Variants in GLTP observed in about 807,000 individuals in gnomAD.
The protein encoded by GLTP is glycolipid transfer protein.
Under a neutral mutation model 24.0 loss-of-function variants are expected in GLTP, and 22 were observed. The observed-to-expected ratio is 0.92, with a 90% CI of 0.65 to 1.31. The LOEUF is 1.31. Among genes scored for constraint, GLTP ranks in the 50% most tolerant of loss-of-function variants. The pLI is 0.00. For synonymous variants in GLTP, 92 were observed against 115.9 expected, an observed-to-expected ratio of 0.79 and a Z score of 1.33; for missense variants, 224 against 276.6, an observed-to-expected ratio of 0.81 and a Z score of 1.35.
intron 1 of GLTP, among the ~76,000 whole-genome samples, chr12:109,864,448 T>G (rs567944389): frequency 1.3e-5 from 2 of 152,278 alleles, no homozygotes; most frequent in African/African-American, 4.8e-5. Context: ...ACTTAACCAC[T>G]CCAGGTTCAG....
chr12:109,852,409 C>T lies in GLTP; in HGVS notation c.*146G>A, dbSNP rs190929313. The T allele has an allele frequency of 4.1e-5, 20 of 492,846 alleles. No individual in the cohort carries two copies. Among genetic ancestry groups the T allele is most frequent in the Non-Finnish European group, 6.3e-5 (17 of 271,626 alleles). The allele number at this position is 492,846 out of a possible 1,614,324, so 30.5% of individuals were successfully genotyped here. ...AAAAAAAAGACTTAAAAAACGAGGG[C>T]TGTCCCCTGCAGACTCTGGCAGGAC... On this transcript the variant is annotated 3_prime_UTR_variant, in exon 5 of 5. Coordinates refer to ENST00000318348, the MANE Select transcript of GLTP (RefSeq NM_016433.4).
chr12:109,870,530 TATTATAA>T (rs1394066441), intron 1 of GLTP, among the ~76,000 whole-genome samples: 2 of 152,136 alleles, frequency 1.3e-5, no homozygotes, highest in Non-Finnish European at 1.5e-5. Flanking sequence ...TTATGCTTAT[TATTATAA>T]ATTATATCAT....
Position 109,880,435 on chromosome 12 carries a change from C to T in GLTP, c.-61G>A, listed in dbSNP as rs552094505. On this transcript the variant is annotated 5_prime_UTR_variant, in exon 1 of 5. Coordinates refer to ENST00000318348, the MANE Select transcript of GLTP (RefSeq NM_016433.4). This position sits in a 1 kb window ranked among gnomAD's most constrained non-coding sequence, Gnocchi z 5.1. ...CGCCGCGGGCGTCGACACCGCCCCCCCGGCCGCCGCCGTCAGCGCCGGGGC... is the reference window on the plus strand; with the variant it reads ...CGCCGCGGGCGTCGACACCGCCCCCTCGGCCGCCGCCGTCAGCGCCGGGGC... 2 of 703,052 alleles carry T rather than the reference C, an allele frequency of 2.8e-6. No homozygotes were observed. The highest frequency in any genetic ancestry group is 4.0e-6 in the Non-Finnish European group (2 of 505,012). 43.6% of individuals were successfully genotyped at this position (703,052 alleles called of 1,614,324 possible).
In GLTP at chr12:109,852,400, AAACGAGGGCTGTCCCCTGC is replaced by A. The variant is rs981801902; in HGVS notation, c.*136_*154del. On this transcript the variant is annotated 3_prime_UTR_variant, in exon 5 of 5. Transcript: ENST00000318348. ...AAAAAAAAAAAAAAAAAGACTTAAA[AAACGAGGGCTGTCCCCTGC>A]AGACTCTGGCAGGACCCTGGGCTGC... is the stretch of plus-strand genomic sequence containing the variant. 4.7e-5 allele frequency: 24 copies of A among 507,614 alleles called. No individual in the cohort carries two copies. The highest frequency in any genetic ancestry group is 4.9e-5 in the Non-Finnish European group (14 of 285,598). The allele number at this position is 507,614 out of a possible 1,614,324, so 31.4% of individuals were successfully genotyped here.
Position 109,852,296 on chromosome 12 carries a change from A to C in GLTP, c.*259T>G, listed in dbSNP as rs542923381. 1.5e-4 allele frequency: 55 copies of C among 370,906 alleles called. 1 individual carries two copies. The South Asian group carries it at 3.0e-3, about 20-fold the overall frequency. The allele number at this position is 370,906 out of a possible 1,614,324, so 23.0% of individuals were successfully genotyped here. ...TTTACCACGCTGAAATGAAGGTATA[A>C]AGTCAGTCTGTGCTGTCGTGAAATT... On this transcript the variant is annotated 3_prime_UTR_variant, in exon 5 of 5. Transcript: ENST00000318348.
chr12:109,869,628 T>G (rs1341201791), intron 1 of GLTP, among the ~76,000 whole-genome samples: 3 of 150,108 alleles, frequency 2.0e-5, no homozygotes, highest in South Asian at 2.1e-4. Flanking sequence ...GCTAATTTTT[T>G]TTTTTTTGTT....
At chr12:109,867,783 T>C (rs1448396286) in intron 1 of GLTP, among the ~76,000 whole-genome samples, 5 of 150,802 alleles carry the variant, frequency 3.3e-5, no homozygotes, top group Non-Finnish European at 5.9e-5. Context: ...TTTCTCTTTT[T>C]TTTTTTTTTT....
intron 1 of GLTP, among the ~76,000 whole-genome samples, chr12:109,869,869 G>A (rs1041703964): frequency 1.3e-5 from 2 of 151,652 alleles, no homozygotes; most frequent in East Asian, 1.9e-4. Context: ...TCCCAGGTTC[G>A]CACCATTCTC....
chr12:109,877,721 C>G (rs894629303), intron 1 of GLTP, among the ~76,000 whole-genome samples: 4 of 152,164 alleles, frequency 2.6e-5, no homozygotes, highest in Non-Finnish European at 5.9e-5. Flanking sequence ...AAGAGACACA[C>G]ACACCACCCA....
At chr12:109,860,460 A>G (rs1030273665) in intron 1 of GLTP, 1 of 178,858 alleles carries the variant, frequency 5.6e-6, no homozygotes, top group Non-Finnish European at 1.2e-5. Context: ...TGGCAACTGA[A>G]GAAAGATAAA....
Position 109,852,484 on chromosome 12 carries a change from TCA to T in GLTP, c.*69_*70del. On this transcript the variant is annotated 3_prime_UTR_variant, in exon 5 of 5. Transcript: ENST00000318348. Reference sequence around the variant, plus strand: ...GCCAGGGGCAGTTCACCGACTTGATTCACAGTGATTCTGGTTTGCCTGTTTCT... The same window carrying T: ...GCCAGGGGCAGTTCACCGACTTGATTCAGTGATTCTGGTTTGCCTGTTTCT... 1.0e-6 allele frequency: 1 copy of T among 1,000,034 alleles called. No homozygotes were observed. Among genetic ancestry groups the T allele is most frequent in the Non-Finnish European group, 1.6e-6 (1 of 638,736 alleles). 61.9% of individuals were successfully genotyped at this position (1,000,034 alleles called of 1,614,324 possible).
At chr12:109,859,709 T>G (rs924277688) in intron 1 of GLTP, 1 of 153,408 alleles carries the variant, frequency 6.5e-6, no homozygotes, top group South Asian at 2.1e-4. Flanking sequence ...TTTTTTTAAT[T>G]GTATAAAACA....
intron 3 of GLTP, among the ~76,000 whole-genome samples, chr12:109,856,127 G>C (rs545192354): frequency 2.6e-5 from 4 of 152,240 alleles, no homozygotes; most frequent in Non-Finnish European, 4.4e-5. Context: ...TGAAGCCACA[G>C]TGCTGGCCCT....
Position 109,880,260 on chromosome 12 carries a change from AT to A in GLTP, c.103+11del. 2 of 1,546,866 alleles carry A rather than the reference AT, an allele frequency of 1.3e-6. No individual in the cohort carries two copies. Among genetic ancestry groups the A allele is most frequent in the Non-Finnish European group, 1.8e-6 (2 of 1,127,584 alleles). On this transcript the variant is annotated intron_variant, in intron 1 of 4. Coordinates refer to ENST00000318348, the MANE Select transcript of GLTP (RefSeq NM_016433.4). This position sits in a 1 kb window ranked among gnomAD's most constrained non-coding sequence, Gnocchi z 5.1. ...GGGCTGCGGGCCGCCTCCCCCCTCC[AT>A]TCCGGCTCACCGAAGAAGGGCGGCA...
rs1452236329 is a variant in GLTP, at chr12:109,855,690, C to G, written c.376G>C (p.Val126Leu). ...RDENHPNLIR[V>L]NATKAYEMAL... The stretch of plus-strand genomic sequence containing the variant: ...ATCTCGTAGGCCTTGGTGGCGTTGA[C>G]ACGGATGAGGTTGGGGTGGTTCTCG... Residue 126 changes from valine (V) to leucine (L), a missense_variant, in exon 4 of 5, where the codon GTC becomes CTC. Coordinates refer to ENST00000318348, the MANE Select transcript of GLTP (RefSeq NM_016433.4). The surrounding 1 kb of genome is among the most constrained non-coding windows in gnomAD (Gnocchi z 4.1). The G allele has an allele frequency of 6.2e-7, 1 of 1,608,342 alleles. No individual in the cohort carries two copies. Among genetic ancestry groups the G allele is most frequent in the Non-Finnish European group, 8.5e-7 (1 of 1,177,604 alleles).
intron 2 of GLTP, chr12:109,858,089 C>T (rs1379270650): frequency 4.4e-6 from 2 of 458,642 alleles, no homozygotes; most frequent in African/African-American, 2.0e-5. Flanking sequence ...ACGAAGGCCT[C>T]TGAGATGGAG....
chr12:109,860,579 G>A (rs536418848), intron 1 of GLTP, among the ~76,000 whole-genome samples: 5 of 152,096 alleles, frequency 3.3e-5, no homozygotes, highest in African/African-American at 1.2e-4. Context: ...CTGGACTCAA[G>A]CGATCCTCCC....
chr12:109,869,166 G>A (rs1422351580), intron 1 of GLTP, among the ~76,000 whole-genome samples: 1 of 151,730 alleles, frequency 6.6e-6, no homozygotes, highest in Non-Finnish European at 1.5e-5. Context: ...CGGGCATGGT[G>A]GTGCACGTCT....
chr12:109,874,264 T>C (rs922391727), intron 1 of GLTP, among the ~76,000 whole-genome samples: 7 of 152,120 alleles, frequency 4.6e-5, no homozygotes, highest in African/African-American at 1.7e-4. Flanking sequence ...TCACCTAACC[T>C]CTCTGGCCTC....
Sources: allele counts gnomAD v4.1 joint callset (sites outside exome capture counted in the v4.1 genomes callset), GRCh38; gene constraint gnomAD v4.1.1; non-coding constraint Gnocchi (gnomAD v3.1); transcripts MANE v1.5; gene names NCBI Gene and HGNC (gene_info 2026-07-23, HGNC 2026-07-21).